The following GLIS3 variants were observed in gnomAD, a reference collection of about 807,000 sequenced individuals.
The protein encoded by GLIS3 is GLIS family zinc finger 3.
GLIS3 carries 53 observed loss-of-function variants against 78.6 expected under a neutral mutation model. The observed-to-expected ratio is 0.67, with a 90% confidence interval of 0.54 to 0.85. GLIS3 has a LOEUF of 0.85. Among genes scored for constraint, GLIS3 ranks in the 40% least tolerant of loss-of-function variants. The probability of loss-of-function intolerance (pLI) is 0.00; values close to 1 mark genes in which losing one functional copy is unlikely to be tolerated. For synonymous variants in GLIS3, 684 were observed against 509.9 expected (o/e 1.34, Z -4.60); for missense variants, 1,703 against 1,231.1 (o/e 1.38, Z -5.74).
chr9:4,118,197 C>G lies in GLIS3; in HGVS notation c.1281G>C (p.Leu427=). The G allele has an allele frequency of 6.3e-7, 1 of 1,584,872 alleles. No individual in the cohort carries two copies. The highest frequency in any genetic ancestry group is 1.3e-5 in the African/African-American group (1 of 74,568). ...ACTCCTCCAGGCGTTCGGTCTTGAA[C>G]AGGCCGGCCGACTGGCTGTCGGGGC... ...LPGPDSQSAG[L]FKTERLEEFP... is the part of the protein sequence containing the mutation. The change falls in exon 4 of 11, where the codon CTG becomes CTC. Residue 427 remains leucine (L), a synonymous_variant. Transcript: ENST00000381971. The surrounding 1 kb of genome is among the most constrained non-coding windows in gnomAD (Gnocchi z 4.7).
intron 4 of GLIS3, among the ~76,000 whole-genome samples, chr9:4,093,575 A>T (rs1326345421): frequency 6.6e-6 from 1 of 152,156 alleles, no homozygotes; most frequent in Admixed American, 6.6e-5. Context: ...ACTGGCAAGG[A>T]GCAAATGCTT....
upstream of GLIS3, among the ~76,000 whole-genome samples, chr9:4,301,857 G>C (rs191017149): frequency 5.8e-4 from 88 of 152,270 alleles, no homozygotes; most frequent in Middle Eastern, 0.01. Flanking sequence ...TCAACCTGGA[G>C]ATCCCCAAAA....
chr9:3,827,892 C>A lies in GLIS3; in HGVS notation c.*380G>T, dbSNP rs969544011. On this transcript the variant is annotated 3_prime_UTR_variant, in exon 11 of 11. Transcript: ENST00000381971. ...TCACTATGCCTCTCGTAATTGAGGT[C>A]TTTTTCCCTGTTTGGAGTTTTCAGG... 3 of 317,036 alleles carry A rather than the reference C, an allele frequency of 9.5e-6. No individual in the cohort carries two copies. Among genetic ancestry groups the A allele is most frequent in the Admixed American group, 4.5e-5 (1 of 22,338 alleles). 19.6% of individuals were successfully genotyped at this position (317,036 alleles called of 1,614,324 possible).
At chr9:3,993,934 T>C (rs948997047) in intron 4 of GLIS3, among the ~76,000 whole-genome samples, 21 of 152,186 alleles carry the variant, frequency 1.4e-4, no homozygotes, top group African/African-American at 4.8e-4. Context: ...TCACTTCCTT[T>C]CTGTTCTAAC....
chr9:4,252,802 C>T (rs780519146), intron 2 of GLIS3, among the ~76,000 whole-genome samples: 8 of 152,186 alleles, frequency 5.3e-5, no homozygotes, highest in African/African-American at 7.2e-5. Context: ...TTTGTGTGGA[C>T]GTCCTTTTTG....
At chr9:3,899,372 GT>G (rs1823113682) in intron 6 of GLIS3, among the ~76,000 whole-genome samples, 1 of 151,310 alleles carries the variant, frequency 6.6e-6, no homozygotes, top group Non-Finnish European at 1.5e-5. Context: ...AACTCCAACA[GT>G]CAGTTACATA....
chr9:4,442,186 C>T, the GLIS3 span, among the ~76,000 whole-genome samples: 1 of 152,154 alleles, frequency 6.6e-6, no homozygotes, highest in Non-Finnish European at 1.5e-5. Context: ...TGGTAGGTTA[C>T]ATGTGCCCAG....
chr9:4,346,174 T>C (rs1817895180), intron 2 of GLIS3, among the ~76,000 whole-genome samples: 1 of 152,110 alleles, frequency 6.6e-6, no homozygotes, highest in Admixed American at 6.6e-5. Flanking sequence ...CTCAAGAAAA[T>C]ATGAAAACTA....
intron 2 of GLIS3, among the ~76,000 whole-genome samples, chr9:4,328,233 G>C (rs1459911350): frequency 6.6e-6 from 1 of 152,182 alleles, no homozygotes; most frequent in Admixed American, 6.5e-5. Flanking sequence ...AGGAACAAGA[G>C]AACCATCTCC....
At chr9:4,451,810 A>G in the GLIS3 span, among the ~76,000 whole-genome samples, 2 of 152,106 alleles carry the variant, frequency 1.3e-5, no homozygotes, top group Non-Finnish European at 2.9e-5. Flanking sequence ...GAGAACAAAG[A>G]CATTATGTAC....
intron 2 of GLIS3, among the ~76,000 whole-genome samples, chr9:4,191,353 A>G (rs567924667): frequency 2.0e-5 from 3 of 152,224 alleles, no homozygotes; most frequent in African/African-American, 4.8e-5. Context: ...AGTTGATGAA[A>G]TAAGATTCCA....
the GLIS3 span, among the ~76,000 whole-genome samples, chr9:4,408,720 C>G: frequency 1.0e-5 from 1 of 99,640 alleles, no homozygotes. Context: ...GAGCCAGACT[C>G]TGTCTCAAAA....
the GLIS3 span, among the ~76,000 whole-genome samples, chr9:4,475,148 C>A: frequency 1.3e-5 from 2 of 151,844 alleles, no homozygotes; most frequent in Admixed American, 6.6e-5. Flanking sequence ...CGTGAGCCAC[C>A]GCACCTGGCC....
chr9:3,912,699 C>A (rs1206583326), intron 6 of GLIS3, among the ~76,000 whole-genome samples: 1 of 152,164 alleles, frequency 6.6e-6, no homozygotes, highest in Non-Finnish European at 1.5e-5. Context: ...AAATGACACA[C>A]TCAAAGGTGA....
intron 4 of GLIS3, among the ~76,000 whole-genome samples, chr9:4,072,611 T>C (rs1827706839): frequency 6.6e-6 from 1 of 152,178 alleles, no homozygotes; most frequent in Non-Finnish European, 1.5e-5. Flanking sequence ...TCACTGTAAA[T>C]AAAACATGAC....
In GLIS3 at chr9:4,158,013, C is replaced by G. The variant is rs546904841; in HGVS notation, c.389-32072G>C. On this transcript the variant is annotated intron_variant, in intron 2 of 10. Transcript: ENST00000381971. The stretch of plus-strand genomic sequence containing the variant: ...AGCATGCCTGTCAGGACCGACAAAA[C>G]TCTGAATTGCCATGGTTGCAGCACC... 1.2e-3 allele frequency among the ~76,000 whole-genome samples: 188 copies of G among 152,330 alleles called. 2 individuals are homozygous for G. The South Asian group carries it at 0.038, about 31-fold the overall frequency.
At chr9:4,177,545 A>G (rs1816920255) in intron 2 of GLIS3, among the ~76,000 whole-genome samples, 1 of 152,158 alleles carries the variant, frequency 6.6e-6, no homozygotes, top group Non-Finnish European at 1.5e-5. Context: ...CTCCTCCCAT[A>G]GCTTCTGAGA....
chr9:4,159,772 TG>T (rs1203688908), intron 2 of GLIS3, among the ~76,000 whole-genome samples: 1 of 151,836 alleles, frequency 6.6e-6, no homozygotes, highest in Non-Finnish European at 1.5e-5. Flanking sequence ...AATCTGTGCT[TG>T]GGGGTTGGCC....
intron 4 of GLIS3, among the ~76,000 whole-genome samples, chr9:3,997,492 C>T (rs576495471): frequency 2.6e-4 from 40 of 151,958 alleles, no homozygotes; most frequent in East Asian, 7.7e-4. Flanking sequence ...ACATTTTATG[C>T]GATCCTCACT....
Sources: allele counts gnomAD v4.1 joint callset (sites outside exome capture counted in the v4.1 genomes callset), GRCh38; gene constraint gnomAD v4.1.1; non-coding constraint Gnocchi (gnomAD v3.1); transcripts MANE v1.5; gene names NCBI Gene and HGNC (gene_info 2026-07-23, HGNC 2026-07-21).